Variants in SDC3 observed in about 807,000 individuals in gnomAD.
SDC3 encodes the protein syndecan-3.
Under a neutral mutation model 24.4 loss-of-function variants are expected in SDC3, and 13 were observed. That is an observed-to-expected ratio of 0.53 (90% CI 0.35 to 0.85). SDC3 has a LOEUF of 0.85. Ranked by LOEUF, SDC3 falls within the 40% of genes least tolerant of loss-of-function variation. The pLI is 0.01. For missense variants in SDC3, 571 were observed against 584.5 expected (o/e 0.98, Z 0.24); for synonymous variants, 295 against 260.9 (o/e 1.13, Z -1.26).
intron 1 of SDC3, among the ~76,000 whole-genome samples, chr1:30,894,663 A>G (rs999083554): frequency 3.7e-4 from 10 of 26,914 alleles, no homozygotes; most frequent in Non-Finnish European, 7.0e-4. Context: ...TGTGTGGGTG[A>G]GTGTGTGTGG....
At position 30,886,071 on chromosome 1, in the gene SDC3, G is replaced by A. The variant is rs993850953; in HGVS notation, c.139-7331C>T. ...GAGCAGGACCACCCACTGAGGCCCC[G>A]TTTCCAGACCCAGCAGCACCCCCCA... On this transcript the variant is annotated intron_variant, in intron 1 of 4. Transcript: ENST00000339394. Among the ~76,000 whole-genome samples the A allele has an allele frequency of 4.6e-5, 7 of 152,066 alleles. No homozygotes were observed. In the South Asian group the frequency reaches 8.3e-4, roughly 18 times the overall value.
At position 30,870,166 on chromosome 1, in the gene SDC3, GC is replaced by G. The variant is rs948170724; in HGVS notation, c.*3044del. On this transcript the variant is annotated 3_prime_UTR_variant, in exon 5 of 5. Transcript: ENST00000339394. ...CCCCCACCAGGAGGCCTGACAGGCG[GC>G]TTTGCCAACCCCAGGGGGGTTTGGC... 2.7e-6 allele frequency: 1 copy of G among 363,666 alleles called. No homozygotes were observed. Among genetic ancestry groups the G allele is most frequent in the Non-Finnish European group, 4.9e-6 (1 of 204,776 alleles). 22.5% of individuals were successfully genotyped at this position (363,666 alleles called of 1,614,324 possible).
intron 1 of SDC3, among the ~76,000 whole-genome samples, chr1:30,886,673 A>T (rs898097576): frequency 2.0e-5 from 3 of 152,154 alleles, no homozygotes; most frequent in Non-Finnish European, 4.4e-5. Flanking sequence ...ACCCCTGAGA[A>T]TGCCTGCAGG....
Position 30,878,302 on chromosome 1 carries a change from C to T in SDC3, c.256+321G>A, listed in dbSNP as rs564975019. The T allele has an allele frequency of 3.2e-4, 83 of 261,294 alleles. 1 individual carries two copies. In the Middle Eastern group the frequency reaches 3.7e-3, roughly 12 times the overall value. The allele number at this position is 261,294 out of a possible 1,614,324, so 16.2% of individuals were successfully genotyped here. A position where few individuals can be genotyped will look rare whatever the true frequency, so the allele number is the denominator to read the frequency against. On this transcript the variant is annotated intron_variant, in intron 2 of 4. Transcript: ENST00000339394. ...TCACTGCCCTAACCCCACCATTGGC[C>T]ACAGCTTATTGCACCTGACGGGACC... is the stretch of plus-strand genomic sequence containing the variant.
intron 1 of SDC3, among the ~76,000 whole-genome samples, chr1:30,893,073 C>A (rs1157002539): frequency 2.0e-5 from 3 of 152,160 alleles, no homozygotes; most frequent in African/African-American, 7.2e-5. Flanking sequence ...CCATTTATCA[C>A]GGCCATCCCC....
rs149952786 is a variant in SDC3, at chr1:30,874,391, C to A, written c.1068G>T (p.Pro356=). The change falls in exon 4 of 5, where the codon CCG becomes CCT. Residue 356 remains proline, a synonymous_variant. Coordinates refer to ENST00000339394, the MANE Select transcript of SDC3 (RefSeq NM_014654.4). ...PPGTLPKGAR[P]GPGLLDNAID... ...TGGCATTGTCCAGGAGGCCAGGGCC[C>A]GGGCGGGCACCCTTGGGCAGTGTCC... The A allele has an allele frequency of 6.2e-7, 1 of 1,614,052 alleles. No individual in the cohort carries two copies. Among genetic ancestry groups the A allele is most frequent in the South Asian group, 1.1e-5 (1 of 91,082 alleles).
chr1:30,897,024 G>A (rs1638277427), intron 1 of SDC3, among the ~76,000 whole-genome samples: 1 of 152,194 alleles, frequency 6.6e-6, no homozygotes, highest in East Asian at 1.9e-4. Flanking sequence ...TGCATTGAAG[G>A]CACTGACGGG....
chr1:30,883,625 A>G (rs111785578), intron 1 of SDC3, among the ~76,000 whole-genome samples: 35 of 152,244 alleles, frequency 2.3e-4, no homozygotes, highest in East Asian at 9.7e-4. Flanking sequence ...GGCTTTGTCT[A>G]TATTCCTACA....
At position 30,904,410 on chromosome 1, in the gene SDC3, G is replaced by A. The variant is rs116669430; in HGVS notation, c.138+4039C>T. 2.5e-3 allele frequency among the ~76,000 whole-genome samples: 376 copies of A among 152,030 alleles called. 1 individual carries two copies. Among genetic ancestry groups the A allele is most frequent in the African/African-American group, 8.6e-3 (358 of 41,428 alleles). On this transcript the variant is annotated intron_variant, in intron 1 of 4. Transcript: ENST00000339394. ...CCACTGCCACCACTCCTGCTGCCCC[G>A]GACCCCCCAGGGACCCTATGCCCGC...
intron 1 of SDC3, among the ~76,000 whole-genome samples, chr1:30,902,737 T>A: frequency 6.6e-6 from 1 of 152,146 alleles, no homozygotes; most frequent in Non-Finnish European, 1.5e-5. Flanking sequence ...TGCCCAGATG[T>A]GGTGGTGGCA....
chr1:30,896,021 C>T (rs888952541), intron 1 of SDC3, among the ~76,000 whole-genome samples: 2 of 152,094 alleles, frequency 1.3e-5, no homozygotes, highest in African/African-American at 4.8e-5. Flanking sequence ...TCCAGTGCAC[C>T]TCTCCCCGCC....
In SDC3 at chr1:30,877,388, G is replaced by A. The variant is rs202203167; in HGVS notation, c.257-223C>T. The A allele has an allele frequency of 1.9e-5, 12 of 639,810 alleles. No homozygotes were observed. The East Asian group carries it at 2.5e-4, about 13-fold the overall frequency. 39.6% of individuals were successfully genotyped at this position (639,810 alleles called of 1,614,324 possible). On this transcript the variant is annotated intron_variant, in intron 2 of 4. Coordinates refer to ENST00000339394, the MANE Select transcript of SDC3 (RefSeq NM_014654.4). The stretch of plus-strand genomic sequence containing the variant: ...CTCTGCCAAGTCAAAAATTCTGGGG[G>A]CCGCCTCTCCCGGGAAGCCTTCCTT...
intron 1 of SDC3, among the ~76,000 whole-genome samples, chr1:30,893,315 C>CG (rs1553139123): frequency 2.4e-5 from 3 of 126,946 alleles, no homozygotes; most frequent in Non-Finnish European, 5.0e-5. Context: ...CCCCCCCCCC[C>CG]CCACCATGTC....
intron 1 of SDC3, among the ~76,000 whole-genome samples, chr1:30,883,300 C>T (rs115109837): frequency 0.012 from 1,847 of 152,282 alleles, 35 homozygotes; most frequent in African/African-American, 0.042. Flanking sequence ...CCCTGTGCAG[C>T]GCTAATCATG....
At chr1:30,884,957 G>A (rs905885818) in intron 1 of SDC3, among the ~76,000 whole-genome samples, 1 of 152,206 alleles carries the variant, frequency 6.6e-6, no homozygotes, top group Admixed American at 6.5e-5. Flanking sequence ...GTCTAATGAG[G>A]TTATTAAAAG....
At chr1:30,873,793 C>T (rs767921249) in intron 4 of SDC3, among the ~76,000 whole-genome samples, 22 of 152,250 alleles carry the variant, frequency 1.4e-4, no homozygotes, top group Non-Finnish European at 2.5e-4. Flanking sequence ...AAATGACTAT[C>T]CCCATTCTAC....
intron 1 of SDC3, among the ~76,000 whole-genome samples, chr1:30,900,877 G>A (rs897074327): frequency 4.6e-5 from 7 of 152,022 alleles, no homozygotes; most frequent in Admixed American, 2.0e-4. Flanking sequence ...CTCTAGGGTC[G>A]CCTGGGCCAA....
Position 30,872,128 on chromosome 1 carries a change from C to T in SDC3, c.*1083G>A, listed in dbSNP as rs1481361244. ...GGCGGCTGCATGGTTGGTGTGGGCA[C>T]CATGGCATGGGACTGAGTATGACGG... is the stretch of plus-strand genomic sequence containing the variant. On this transcript the variant is annotated 3_prime_UTR_variant, in exon 5 of 5. Transcript: ENST00000339394. 6.6e-6 allele frequency: 1 copy of T among 152,432 alleles called. No individual in the cohort carries two copies. Among genetic ancestry groups the T allele is most frequent in the Non-Finnish European group, 1.5e-5 (1 of 68,208 alleles). 9.4% of individuals were successfully genotyped at this position (152,432 alleles called of 1,614,324 possible).
intron 1 of SDC3, among the ~76,000 whole-genome samples, chr1:30,889,099 C>G (rs1639871103): frequency 6.6e-6 from 1 of 152,226 alleles, no homozygotes; most frequent in Non-Finnish European, 1.5e-5. Flanking sequence ...CTATGTGGCT[C>G]CAAATCCCAG....
Sources: gnomAD v4.1 joint callset for allele counts (sites outside exome capture counted in the v4.1 genomes callset) on GRCh38, gnomAD v4.1.1 for gene constraint, MANE v1.5 for transcripts, NCBI Gene and HGNC (gene_info 2026-07-23, HGNC 2026-07-21) for gene names.